The following CCSER1 variants were observed in gnomAD, a reference collection of about 807,000 sequenced individuals.
CCSER1 encodes coiled-coil serine rich protein 1, also known as serine-rich coiled-coil domain-containing protein 1.
In CCSER1, 41 loss-of-function variants were observed where a neutral mutation model predicts 82.0. That is an observed-to-expected ratio of 0.50 (90% CI 0.39 to 0.65). The LOEUF (loss-of-function observed/expected upper bound fraction) is 0.65, where lower values mean the gene tolerates loss of function less well. Among genes scored for constraint, CCSER1 ranks in the 30% least tolerant of loss-of-function variants. The pLI, the probability that CCSER1 is intolerant of heterozygous loss-of-function variation, is 0.00. For synonymous variants in CCSER1, 414 were observed against 383.9 expected (o/e 1.08, Z -0.92); for missense variants, 1,119 against 1,064.2 (o/e 1.05, Z -0.72).
chr4:90,297,402 G>A (rs1034866209), intron 1 of CCSER1, among the ~76,000 whole-genome samples: 150 of 151,964 alleles, frequency 9.9e-4, no homozygotes, highest in African/African-American at 3.0e-3. Context: ...GGCTGAGACA[G>A]TGGGGTTTTC....
At chr4:90,136,364 T>C (rs757498010) in intron 1 of CCSER1, among the ~76,000 whole-genome samples, 4 of 151,952 alleles carry the variant, frequency 2.6e-5, no homozygotes, top group Non-Finnish European at 5.9e-5. Flanking sequence ...AAAGAAAAGG[T>C]AAAAAAAGAA....
At chr4:90,415,140 C>A (rs1482620962) in intron 4 of CCSER1, among the ~76,000 whole-genome samples, 1 of 152,148 alleles carries the variant, frequency 6.6e-6, no homozygotes. Context: ...AAATATATAT[C>A]ATCAATCATT....
intron 4 of CCSER1, among the ~76,000 whole-genome samples, chr4:90,419,334 G>A (rs1756333270): frequency 6.6e-6 from 1 of 151,764 alleles, no homozygotes; most frequent in African/African-American, 2.4e-5. Context: ...TAGTAATCCT[G>A]TCATACATTT....
chr4:91,311,293 A>G (rs1205151969), intron 10 of CCSER1, among the ~76,000 whole-genome samples: 2 of 151,970 alleles, frequency 1.3e-5, no homozygotes, highest in African/African-American at 4.8e-5. Flanking sequence ...AAACTTAGGT[A>G]TCAAACTTTA....
chr4:91,458,622 TATTA>T (rs1237998482), intron 10 of CCSER1, among the ~76,000 whole-genome samples: 1 of 152,198 alleles, frequency 6.6e-6, no homozygotes, highest in Admixed American at 6.5e-5. Context: ...GTATGGGCAA[TATTA>T]ATTCTTTTAG....
intron 10 of CCSER1, among the ~76,000 whole-genome samples, chr4:91,515,114 T>A (rs1183202937): frequency 1.3e-5 from 2 of 152,176 alleles, no homozygotes; most frequent in Admixed American, 6.5e-5. Context: ...TATGGTATTA[T>A]TTTTCACCCT....
chr4:91,515,062 C>T (rs1760030452), intron 10 of CCSER1, among the ~76,000 whole-genome samples: 1 of 152,024 alleles, frequency 6.6e-6, no homozygotes, highest in Non-Finnish European at 1.5e-5. Flanking sequence ...ACTATGTGAC[C>T]CAGTTACATT....
chr4:90,931,064 G>T (rs1729745594), intron 9 of CCSER1, among the ~76,000 whole-genome samples: 1 of 145,932 alleles, frequency 6.9e-6, no homozygotes, highest in African/African-American at 2.5e-5. Flanking sequence ...TATATTCTTG[G>T]AATATATATT....
At chr4:90,241,245 G>T (rs1746778077) in intron 1 of CCSER1, among the ~76,000 whole-genome samples, 1 of 152,118 alleles carries the variant, frequency 6.6e-6, no homozygotes, top group Non-Finnish European at 1.5e-5. Context: ...CTGCTTTCTG[G>T]TGCTTTATAG....
chr4:90,819,063 G>C (rs1759402173), intron 8 of CCSER1, among the ~76,000 whole-genome samples: 3 of 152,202 alleles, frequency 2.0e-5, no homozygotes, highest in African/African-American at 7.2e-5. Context: ...CGGTGCCAGA[G>C]TGTTGGGATT....
At chr4:91,575,429 C>T (rs192271999) in intron 10 of CCSER1, among the ~76,000 whole-genome samples, 22 of 151,934 alleles carry the variant, frequency 1.4e-4, no homozygotes, top group African/African-American at 3.9e-4. Context: ...GAAAAGATAA[C>T]CCATTGAATA....
At chr4:91,574,991 C>G (rs1763374939) in intron 10 of CCSER1, among the ~76,000 whole-genome samples, 1 of 151,764 alleles carries the variant, frequency 6.6e-6, no homozygotes, top group Non-Finnish European at 1.5e-5. Context: ...GTAATCAAGA[C>G]AGTATTGTAG....
rs1723852598 is a variant in CCSER1, at chr4:90,629,030, T to C, written c.1932+798T>C. 2.0e-5 allele frequency among the ~76,000 whole-genome samples: 3 copies of C among 152,166 alleles called. No homozygotes were observed. The South Asian group carries it at 6.2e-4, about 32-fold the overall frequency. On this transcript the variant is annotated intron_variant, in intron 6 of 10. Transcript: ENST00000509176. ...TGTGTCTTTGTATTACATCCTATTA[T>C]ATTTAAGTAGATTTATCTTTATTGA...
intron 4 of CCSER1, among the ~76,000 whole-genome samples, chr4:90,413,981 AAT>A (rs70963066): frequency 0.23 from 12,172 of 52,202 alleles, 2,284 homozygotes; most frequent in South Asian, 0.27. Context: ...AAAAAAAAAA[AAT>A]ATATATATAT....
chr4:91,175,061 G>C (rs1560492779), intron 10 of CCSER1, among the ~76,000 whole-genome samples: 1 of 152,106 alleles, frequency 6.6e-6, no homozygotes, highest in Non-Finnish European at 1.5e-5. Context: ...CTATGAGTGA[G>C]AACATGTGGT....
At chr4:90,572,696 G>A (rs1780264006) in intron 5 of CCSER1, among the ~76,000 whole-genome samples, 1 of 151,852 alleles carries the variant, frequency 6.6e-6, no homozygotes, top group South Asian at 2.1e-4. Context: ...AAAAGTATAT[G>A]TTCATTAAAT....
At chr4:90,389,885 C>A (rs1411596970) in intron 3 of CCSER1, among the ~76,000 whole-genome samples, 1 of 152,084 alleles carries the variant, frequency 6.6e-6, no homozygotes, top group Non-Finnish European at 1.5e-5. Flanking sequence ...TGGTCTCCAA[C>A]TCTTGGCCTT....
chr4:90,431,339 T>G (rs1463928369), intron 4 of CCSER1, among the ~76,000 whole-genome samples: 1 of 151,892 alleles, frequency 6.6e-6, no homozygotes, highest in Admixed American at 6.6e-5. Context: ...CTAGAAAGAG[T>G]GTGTAAAATA....
At chr4:91,085,878 T>C in intron 9 of CCSER1, 72 bp from the exon 10 acceptor site, 2 of 858,682 alleles carry the variant, frequency 2.3e-6, no homozygotes, top group Non-Finnish European at 3.8e-6. Context: ...TATTTCAAAA[T>C]TATTGCACTA....
Sources: gnomAD v4.1 joint callset for allele counts (sites outside exome capture counted in the v4.1 genomes callset) on GRCh38, gnomAD v4.1.1 for gene constraint, MANE v1.5 for transcripts, NCBI Gene and HGNC (gene_info 2026-07-23, HGNC 2026-07-21) for gene names.